The following COL21A1 variants were observed in gnomAD, a reference collection of about 807,000 sequenced individuals.
The protein encoded by COL21A1 is collagen type XXI alpha 1 chain, also known as collagen alpha-1(XXI) chain.
Under a neutral mutation model 137.9 loss-of-function variants are expected in COL21A1, and 149 were observed. The observed-to-expected ratio is 1.08, with a 90% confidence interval of 0.95 to 1.24. COL21A1 has a LOEUF of 1.24. Among genes scored for constraint, COL21A1 ranks in the 50% most tolerant of loss-of-function variants. COL21A1 has a pLI of 0.00. For synonymous variants in COL21A1, 456 were observed against 391.5 expected (o/e 1.16, Z -1.95); for missense variants, 1,167 against 1,158.4 (o/e 1.01, Z -0.11).
chr6:56,235,897 T>C (rs1295200918), intron 1 of COL21A1, among the ~76,000 whole-genome samples: 1 of 151,896 alleles, frequency 6.6e-6, no homozygotes, highest in Non-Finnish European at 1.5e-5. Context: ...ATACAAAACT[T>C]CTGGGATCCA....
intron 17 of COL21A1, among the ~76,000 whole-genome samples, chr6:56,090,804 G>T (rs1193339211): frequency 1.3e-5 from 2 of 151,518 alleles, no homozygotes; most frequent in Non-Finnish European, 2.9e-5. Context: ...TTACATGTGG[G>T]TTGCCTTCAC....
intron 1 of COL21A1, among the ~76,000 whole-genome samples, chr6:56,233,757 C>A (rs1781730986): frequency 6.6e-6 from 1 of 150,802 alleles, no homozygotes; most frequent in Non-Finnish European, 1.5e-5. Flanking sequence ...AAAAAAAGAC[C>A]TATTTCATAT....
chr6:56,374,906 C>A (rs1303822054), intron 1 of COL21A1, among the ~76,000 whole-genome samples: 1 of 148,288 alleles, frequency 6.7e-6, no homozygotes, highest in Admixed American at 6.7e-5. Flanking sequence ...ATTCTTTAGA[C>A]TCTCATGAAC....
chr6:56,239,081 A>C (rs1276639576), intron 1 of COL21A1, among the ~76,000 whole-genome samples: 1 of 152,168 alleles, frequency 6.6e-6, no homozygotes, highest in Non-Finnish European at 1.5e-5. Context: ...CAACACTCAT[A>C]ATCTTAGCTA....
At chr6:56,363,184 G>C (rs1387649164) in intron 1 of COL21A1, among the ~76,000 whole-genome samples, 1 of 152,230 alleles carries the variant, frequency 6.6e-6, no homozygotes, top group Non-Finnish European at 1.5e-5. Flanking sequence ...ATTTTGGAGA[G>C]CAAAGCTCAC....
chr6:56,188,822 G>C (rs1056042527), intron 1 of COL21A1, among the ~76,000 whole-genome samples: 5 of 152,166 alleles, frequency 3.3e-5, no homozygotes, highest in Non-Finnish European at 5.9e-5. Flanking sequence ...AGACTCCACT[G>C]GTGATACCCA....
At chr6:56,082,659 T>C (rs898929798) in intron 17 of COL21A1, among the ~76,000 whole-genome samples, 3 of 108,838 alleles carry the variant, frequency 2.8e-5, no homozygotes, top group Admixed American at 9.7e-5. Flanking sequence ...AATTCTACTA[T>C]TTTTTTTGAA....
intron 1 of COL21A1, among the ~76,000 whole-genome samples, chr6:56,392,648 A>T (rs2094031978): frequency 6.6e-6 from 1 of 152,186 alleles, no homozygotes; most frequent in African/African-American, 2.4e-5. Flanking sequence ...GAATTCAGTA[A>T]ATTTGCAGGA....
intron 1 of COL21A1, among the ~76,000 whole-genome samples, chr6:56,343,802 G>T (rs1174433521): frequency 6.6e-6 from 1 of 152,126 alleles, no homozygotes; most frequent in Non-Finnish European, 1.5e-5. Context: ...AATTAGCCAG[G>T]CGTGGTGGCA....
chr6:56,377,222 C>T (rs2094000948), intron 1 of COL21A1, among the ~76,000 whole-genome samples: 1 of 152,106 alleles, frequency 6.6e-6, no homozygotes, highest in African/African-American at 2.4e-5. Flanking sequence ...AACTCCTGAC[C>T]TTGTGATCCA....
chr6:56,381,401 C>T (rs1003298754), intron 1 of COL21A1, among the ~76,000 whole-genome samples: 14 of 152,180 alleles, frequency 9.2e-5, no homozygotes, highest in African/African-American at 2.7e-4. Context: ...TCTCTCCATC[C>T]GCTCAAATAA....
intron 16 of COL21A1, among the ~76,000 whole-genome samples, chr6:56,117,799 C>T (rs62412800): frequency 0.15 from 22,828 of 151,694 alleles, 1,754 homozygotes; most frequent in Middle Eastern, 0.22. Context: ...ACTATACAAA[C>T]ACATGGAAAT....
chr6:56,354,840 G>C (rs1313372390), intron 1 of COL21A1, among the ~76,000 whole-genome samples: 1 of 152,158 alleles, frequency 6.6e-6, no homozygotes, highest in African/African-American at 2.4e-5. Context: ...CCTGGGTGAT[G>C]GAGTGAGACT....
intron 1 of COL21A1, among the ~76,000 whole-genome samples, chr6:56,306,756 T>C (rs1764470041): frequency 4.6e-5 from 3 of 65,418 alleles, no homozygotes; most frequent in South Asian, 1.2e-3. Context: ...CCATCCAGCT[T>C]TGTTCCGTTG....
chr6:56,337,193 T>C lies in COL21A1; in HGVS notation c.-39+56778A>G, dbSNP rs550325005. On this transcript the variant is annotated intron_variant, in intron 1 of 28. Coordinates refer to the COL21A1 transcript ENST00000370819. ...TGTTGGACACCCCTATTTTTAAACA[T>C]TTTCTGGACAATGAACCTTTTTAAT... Among the ~76,000 whole-genome samples the C allele has an allele frequency of 7.9e-5, 12 of 152,254 alleles. No homozygotes were observed. The East Asian group carries it at 2.1e-3, about 27-fold the overall frequency.
chr6:56,218,606 AT>A (rs982484349), intron 1 of COL21A1, among the ~76,000 whole-genome samples: 2 of 151,504 alleles, frequency 1.3e-5, no homozygotes, highest in South Asian at 2.1e-4. Flanking sequence ...TTATTGCTTT[AT>A]TTTTTTTACT....
At chr6:56,119,749 A>G (rs187714068) in intron 16 of COL21A1, among the ~76,000 whole-genome samples, 1 of 152,248 alleles carries the variant, frequency 6.6e-6, no homozygotes, top group East Asian at 1.9e-4. Flanking sequence ...CCAGAAACAA[A>G]TCTACATACC....
At chr6:56,317,334 A>G (rs759515431) in intron 1 of COL21A1, among the ~76,000 whole-genome samples, 27 of 152,108 alleles carry the variant, frequency 1.8e-4, no homozygotes, top group Non-Finnish European at 3.7e-4. Flanking sequence ...AATATTTTAT[A>G]AGCTTCTATC....
chr6:56,179,972 A>G lies in COL21A1; in HGVS notation c.246T>C (p.Ser82=). The G allele has an allele frequency of 6.2e-7, 1 of 1,613,952 alleles. No homozygotes were observed. Among genetic ancestry groups the G allele is most frequent in the Middle Eastern group, 1.6e-4 (1 of 6,062 alleles). ...GAGGAATCTCCAGCACAGGGTAGTC[A>G]CTATATTGAACCACTCCAACTTGAA... ...KFIQVGVVQY[S]DYPVLEIPLG... Residue 82 remains serine (S), a synonymous_variant, in exon 3 of 30, where the codon AGT becomes AGC. Transcript: ENST00000244728.
Sources: allele counts gnomAD v4.1 joint callset (sites outside exome capture counted in the v4.1 genomes callset), GRCh38; gene constraint gnomAD v4.1.1; transcripts MANE v1.5; gene names NCBI Gene and HGNC (gene_info 2026-07-23, HGNC 2026-07-21).